Variants in GTPBP4 observed in about 807,000 individuals in gnomAD.
GTPBP4 encodes GTP-binding protein 4.
A neutral mutation model predicts 81.7 loss-of-function variants in GTPBP4; 15 were observed. The observed-to-expected ratio is 0.18, with a 90% CI of 0.12 to 0.28. The LOEUF (loss-of-function observed/expected upper bound fraction) is 0.28, where lower values mean the gene tolerates loss of function less well. Among genes scored for constraint, GTPBP4 ranks in the 10% least tolerant of loss-of-function variants. GTPBP4 has a pLI of 1.00. For synonymous variants in GTPBP4, 272 were observed against 274.6 expected (o/e 0.99, Z 0.09); for missense variants, 847 against 793.8 (o/e 1.07, Z -0.81).
Position 1,002,805 on chromosome 10 carries a change from A to G in GTPBP4, c.912+1792A>G, listed in dbSNP as rs761061025. On this transcript the variant is annotated intron_variant, in intron 8 of 16. Coordinates refer to ENST00000360803, the MANE Select transcript of GTPBP4 (RefSeq NM_012341.3). Reference sequence around the variant, plus strand: ...GTTAGTCTAATGGGGATTTTCTTATATGTGACTTCAAGCTTTTCTCTAGCT... The same window carrying G: ...GTTAGTCTAATGGGGATTTTCTTATGTGTGACTTCAAGCTTTTCTCTAGCT... Among the ~76,000 whole-genome samples, 72 of 152,226 alleles carry G rather than the reference A, an allele frequency of 4.7e-4. 1 individual carries two copies. The highest frequency in any genetic ancestry group is 1.4e-3 in the Admixed American group (21 of 15,292).
At chr10:1,013,713 TGG>T (rs980921215) in intron 14 of GTPBP4, among the ~76,000 whole-genome samples, 1 of 152,190 alleles carries the variant, frequency 6.6e-6, no homozygotes, top group Non-Finnish European at 1.5e-5. Flanking sequence ...AGGGTGGGAC[TGG>T]GGGAAGAAAG....
chr10:1,016,350 T>A (rs1243711101), intron 16 of GTPBP4, among the ~76,000 whole-genome samples: 3 of 152,220 alleles, frequency 2.0e-5, no homozygotes, highest in Non-Finnish European at 4.4e-5. Flanking sequence ...TGAGTCACAT[T>A]TAGTTTATTT....
chr10:1,009,141 A>G lies in GTPBP4; in HGVS notation c.1191+106A>G. The G allele has an allele frequency of 9.0e-6, 7 of 775,296 alleles. No individual in the cohort carries two copies. The South Asian group carries it at 9.2e-5, about 10-fold the overall frequency. 48.0% of individuals were successfully genotyped at this position (775,296 alleles called of 1,614,324 possible). ...GAACAGGAGCCGCGGGTGCCCAGAC[A>G]CTGGCCCCGTCAGGCTGCGGACACA... On this transcript the variant is annotated intron_variant, in intron 11 of 16. Transcript: ENST00000360803.
chr10:1,012,762 A>G (rs1667805484), intron 14 of GTPBP4, 100 bp downstream of exon 14: 13 of 735,732 alleles, frequency 1.8e-5, no homozygotes, highest in Non-Finnish European at 6.8e-6. Context: ...ATTTATGGCC[A>G]TAAGATTGCA....
At chr10:1,013,370 G>C (rs1589032069) in intron 14 of GTPBP4, among the ~76,000 whole-genome samples, 1 of 151,926 alleles carries the variant, frequency 6.6e-6, no homozygotes, top group East Asian at 2.0e-4. Context: ...AGCACTTTGG[G>C]AGGCTGAGGT....
At position 1,017,118 on chromosome 10, in the gene GTPBP4, A is replaced by T. The variant is rs1294300773; in HGVS notation, c.1796A>T (p.Lys599Met). ...AKTMMKNAQK[K>M]MNRLGKKGEA... ...ACTATGATGAAGAATGCTCAGAAGA[A>T]GATGAATCGGTTGGGGAAGAAAGGG... Residue 599 changes from lysine (K) to methionine (M), a missense_variant, in exon 17 of 17, where the codon AAG becomes ATG. Coordinates refer to ENST00000360803, the MANE Select transcript of GTPBP4 (RefSeq NM_012341.3). 16 of 1,613,910 alleles carry T rather than the reference A, an allele frequency of 9.9e-6. No individual in the cohort carries two copies. Among genetic ancestry groups the T allele is most frequent in the Middle Eastern group, 1.6e-4 (1 of 6,082 alleles).
intron 8 of GTPBP4, among the ~76,000 whole-genome samples, chr10:1,004,690 C>T (rs190497218): frequency 2.8e-4 from 42 of 152,256 alleles, no homozygotes; most frequent in African/African-American, 9.4e-4. Context: ...GGCAGGGTAC[C>T]GTTGGGTGCT....
Position 1,011,824 on chromosome 10 carries a change from C to CTA in GTPBP4, c.1345-641_1345-640insTA, listed in dbSNP as rs1831880815. 7.2e-5 allele frequency among the ~76,000 whole-genome samples: 11 copies of CTA among 152,324 alleles called. 2 individuals are homozygous for CTA. The South Asian group carries it at 2.3e-3, about 32-fold the overall frequency. ...CCGCGGTGGCCGCCTGCCTTCCCAG[C>CTA]CTCTTCCCCTCTGCAGTGCGCGCTC... On this transcript the variant is annotated intron_variant, in intron 13 of 16. Transcript: ENST00000360803.
chr10:1,015,179 T>TAA (rs1831952881), intron 15 of GTPBP4, among the ~76,000 whole-genome samples: 8 of 152,248 alleles, frequency 5.3e-5, no homozygotes, highest in African/African-American at 1.7e-4. Context: ...TTCCGTTAAG[T>TAA]GAATAAGAAT....
chr10:1,012,298 C>T, intron 13 of GTPBP4, 167 bp from the exon 14 acceptor site: 1 of 513,688 alleles, frequency 1.9e-6, no homozygotes, highest in South Asian at 2.8e-5. Flanking sequence ...ACAGAACCCT[C>T]CCTGTGAGGT....
At chr10:1,010,319 G>A in intron 12 of GTPBP4, 101 bp from the exon 13 acceptor site, 1 of 684,966 alleles carries the variant, frequency 1.5e-6, no homozygotes. Flanking sequence ...CTTCTGCAGT[G>A]GAGTCGTTGA....
chr10:1,012,630 C>A lies in GTPBP4; in HGVS notation c.1510C>A (p.Gln504Lys). ...TCTGGAGTCCAAAGAAAAGAATACACAGGGACCCAGGATGCCGCGAACTGC... is the reference window on the plus strand; with the variant it reads ...TCTGGAGTCCAAAGAAAAGAATACAAAGGGACCCAGGATGCCGCGAACTGC... Reference protein sequence around the residue: ...KILESKEKNTQGPRMPRTAKK... With the variant: ...KILESKEKNTKGPRMPRTAKK... Residue 504 changes from glutamine (Q) to lysine (K), a missense_variant, in exon 14 of 17, where the codon CAG becomes AAG. Transcript: ENST00000360803. 6.2e-7 allele frequency: 1 copy of A among 1,613,720 alleles called. No individual in the cohort carries two copies.
intron 9 of GTPBP4, among the ~76,000 whole-genome samples, chr10:1,006,815 G>A (rs1479240940): frequency 5.9e-5 from 9 of 152,188 alleles, no homozygotes; most frequent in South Asian, 2.1e-4. Context: ...GGGTCACTGT[G>A]GTGGGAGAGA....
chr10:1,001,931 G>A (rs11499189), intron 8 of GTPBP4, among the ~76,000 whole-genome samples: 1 of 145,630 alleles, frequency 6.9e-6, no homozygotes, highest in African/African-American at 2.5e-5. Context: ...TTTTATTTTT[G>A]TTTTTTTTTT....
At chr10:998,916 T>C in intron 5 of GTPBP4, 87 bp from the exon 6 acceptor site, 1 of 781,966 alleles carries the variant, frequency 1.3e-6, no homozygotes, top group South Asian at 1.4e-5. Flanking sequence ...GGTTATTTCC[T>C]ACCCAAAATC....
Position 1,012,582 on chromosome 10 carries a change from C to G in GTPBP4, c.1462C>G (p.Arg488Gly). The G allele has an allele frequency of 6.2e-7, 1 of 1,613,746 alleles. No individual in the cohort carries two copies. The highest frequency in any genetic ancestry group is 8.5e-7 in the Non-Finnish European group (1 of 1,179,778). The stretch of plus-strand genomic sequence containing the variant: ...AATCCGACAGCTGGCAAAGCAAATT[C>G]GAGAGAAAAAGAAGTTGAAAATTCT... ...LEIRQLAKQIREKKKLKILES... is the reference protein window; with the variant it reads ...LEIRQLAKQIGEKKKLKILES... Residue 488 changes from arginine to glycine, a missense_variant, in exon 14 of 17, where the codon CGA becomes GGA. By Grantham distance (125) the Arg-to-Gly change is moderately radical. Around this residue, in one of 3 missense-constraint regions of GTPBP4, gnomAD observed 600 missense variants for 557.1 expected, o/e 1.08. Transcript: ENST00000360803.
At chr10:995,508 AG>A (rs1174199990) in intron 2 of GTPBP4, among the ~76,000 whole-genome samples, 2 of 8,910 alleles carry the variant, frequency 2.2e-4, no homozygotes, top group African/African-American at 7.9e-4. Context: ...GGGAGCAAAG[AG>A]AGGGAATTGG....
chr10:991,830 G>A (rs1831449352), intron 1 of GTPBP4, among the ~76,000 whole-genome samples: 1 of 148,972 alleles, frequency 6.7e-6, no homozygotes, highest in South Asian at 2.1e-4. Context: ...CGAGTAGCTG[G>A]GACTACAGGT....
chr10:1,004,175 C>A (rs530746901), intron 8 of GTPBP4, among the ~76,000 whole-genome samples: 1 of 152,260 alleles, frequency 6.6e-6, no homozygotes, highest in South Asian at 2.1e-4. Context: ...TCAAGGGGAA[C>A]TCTGGACCCT....
Sources: gnomAD v4.1 joint callset for allele counts (sites outside exome capture counted in the v4.1 genomes callset) on GRCh38, gnomAD v4.1.1 for gene constraint, gnomAD v4.1.1 regional missense constraint, MANE v1.5 for transcripts, NCBI Gene and HGNC (gene_info 2026-07-23, HGNC 2026-07-21) for gene names.